The following DNAH3 variants were observed in gnomAD, a reference collection of about 807,000 sequenced individuals.
DNAH3 encodes axonemal beta dynein heavy chain 3.
DNAH3 carries 332 observed loss-of-function variants against 432.5 expected under a neutral mutation model. The ratio of observed to expected loss-of-function variants is 0.77; its 90% CI spans 0.70 to 0.84. The LOEUF (loss-of-function observed/expected upper bound fraction) is 0.84, where lower values mean the gene tolerates loss of function less well. Among genes scored for constraint, DNAH3 ranks in the 40% least tolerant of loss-of-function variants. The pLI, the probability that DNAH3 is intolerant of heterozygous loss-of-function variation, is 0.00. For missense variants in DNAH3, 4,861 were observed against 5,114.0 expected, an observed-to-expected ratio of 0.95 and a Z score of 1.51; for synonymous variants, 1,956 against 1,900.2, an observed-to-expected ratio of 1.03 and a Z score of -0.76.
At chr16:20,984,048 CAGAA>C (rs750456303) in intron 48 of DNAH3, among the ~76,000 whole-genome samples, 1 of 120,118 alleles carries the variant, frequency 8.3e-6, no homozygotes, top group Non-Finnish European at 1.8e-5. Context: ...AAAAAAAAGA[CAGAA>C]AGGGCGATGG....
intron 24 of DNAH3, 46 bp downstream of exon 24, chr16:21,067,237 T>C (rs765774565): frequency 1.2e-6 from 2 of 1,607,284 alleles, no homozygotes; most frequent in African/African-American, 1.3e-5. Flanking sequence ...TCTACCTACA[T>C]ATGGGGCAAG....
exon 41 of DNAH3, chr16:21,019,720 C>G: frequency 6.2e-7 from 1 of 1,614,140 alleles, no homozygotes; most frequent in Non-Finnish European, 8.5e-7. Context: ...AAAAACACAT[C>G]AAATTTCTTT....
At chr16:21,103,541 C>A (rs975943374) in intron 16 of DNAH3, among the ~76,000 whole-genome samples, 5 of 152,144 alleles carry the variant, frequency 3.3e-5, no homozygotes, top group African/African-American at 1.2e-4. Context: ...CAGGAAAATA[C>A]ACACACACTC....
At chr16:20,997,210 C>A in intron 44 of DNAH3, 73 bp downstream of exon 44, 1 of 1,520,490 alleles carries the variant, frequency 6.6e-7, no homozygotes. Context: ...GCACACCAAC[C>A]CACCTTTCAT....
rs184510383 is a variant in DNAH3 at position 21,106,474 on chromosome 16, A to G, written c.2284+16T>C. 2.0e-4 allele frequency: 311 copies of G among 1,560,538 alleles called. No homozygotes were observed. The East Asian group carries it at 6.5e-3, about 33-fold the overall frequency. On this transcript the variant is annotated intron_variant, in intron 15 of 61. Coordinates refer to ENST00000261383, the Ensembl canonical transcript of DNAH3. ...TAGGTATGCATTTCGATGGTCACACATGGCATTGGACTTACACGGCAAGTC... is the reference window on the plus strand; with the variant it reads ...TAGGTATGCATTTCGATGGTCACACGTGGCATTGGACTTACACGGCAAGTC...
chr16:21,099,223 A>G (rs560976736), intron 16 of DNAH3, among the ~76,000 whole-genome samples: 49 of 140,694 alleles, frequency 3.5e-4, no homozygotes, highest in Non-Finnish European at 6.9e-4. Context: ...AGGGAGACCT[A>G]GACAATAGAC....
At chr16:21,050,388 A>G (rs1473237317) in intron 29 of DNAH3, among the ~76,000 whole-genome samples, 1 of 152,218 alleles carries the variant, frequency 6.6e-6, no homozygotes, top group East Asian at 1.9e-4. Context: ...CATTCCAAAG[A>G]TCACCAGTGC....
chr16:21,011,860 G>A (rs558153171), intron 41 of DNAH3, among the ~76,000 whole-genome samples: 1 of 152,214 alleles, frequency 6.6e-6, no homozygotes, highest in African/African-American at 2.4e-5. Flanking sequence ...CAATAAAATT[G>A]CTCACATTTA....
At chr16:20,974,883 A>G (rs2085511310) in intron 51 of DNAH3, among the ~76,000 whole-genome samples, 1 of 151,022 alleles carries the variant, frequency 6.6e-6, no homozygotes, top group Non-Finnish European at 1.5e-5. Context: ...CAGTGGTGCA[A>G]TCTCAGCTCA....
In DNAH3 at chr16:20,948,650, A is replaced by G. The variant is rs2084168365; in HGVS notation, c.11189-13T>C. ...TAATTACATTCCCCTGGGGACAACC[A>G]ACAGAAGGAGAGGTTGAGCCCAGGG... On this transcript the variant is annotated splice_polypyrimidine_tract_variant and intron_variant, in intron 56 of 61. Transcript: ENST00000261383. The G allele has an allele frequency of 1.2e-6, 2 of 1,613,842 alleles. No homozygotes were observed. The highest frequency in any genetic ancestry group is 1.7e-6 in the Non-Finnish European group (2 of 1,179,934).
At position 21,149,490 on chromosome 16, in the gene DNAH3, T is replaced by G. The variant is rs540105795; in HGVS notation, c.118-3402A>C. Among the ~76,000 whole-genome samples, 17 of 152,340 alleles carry G rather than the reference T, an allele frequency of 1.1e-4. 1 individual carries two copies. The South Asian group carries it at 3.1e-3, about 28-fold the overall frequency. Reference sequence around the variant, plus strand: ...TCACTTTGGGCAGCTTATTGCTGATTACACATGTTGTATGTATGTTCTTCA... The same window carrying G: ...TCACTTTGGGCAGCTTATTGCTGATGACACATGTTGTATGTATGTTCTTCA... On this transcript the variant is annotated intron_variant, in intron 1 of 61. Coordinates refer to ENST00000261383, the Ensembl canonical transcript of DNAH3.
At chr16:20,972,218 C>G (rs2085372291) in intron 51 of DNAH3, among the ~76,000 whole-genome samples, 1 of 151,328 alleles carries the variant, frequency 6.6e-6, no homozygotes, top group South Asian at 2.1e-4. Flanking sequence ...TACTTGAAAT[C>G]TCCTGATTTT....
At chr16:21,158,838 G>T (rs544133518) in intron 1 of DNAH3, 4 of 161,174 alleles carry the variant, frequency 2.5e-5, no homozygotes, top group Non-Finnish European at 5.4e-5. Context: ...GCGCGGGGGC[G>T]ACGGCGTGAG....
chr16:21,084,314 C>CTTTATTTA (rs71666850), intron 19 of DNAH3, among the ~76,000 whole-genome samples: 29 of 151,214 alleles, frequency 1.9e-4, no homozygotes, highest in African/African-American at 3.9e-4. Context: ...AATTTTTTTA[C>CTTTATTTA]TTTATTTATT....
At chr16:21,126,963 A>C (rs1394431212) in intron 8 of DNAH3, among the ~76,000 whole-genome samples, 2 of 152,016 alleles carry the variant, frequency 1.3e-5, no homozygotes, top group Admixed American at 1.3e-4. Context: ...CTGTTTCTAC[A>C]TTATGGTGAG....
chr16:21,070,531 C>T (rs1169583687), intron 22 of DNAH3, among the ~76,000 whole-genome samples, 179 bp downstream of exon 22: 1 of 152,144 alleles, frequency 6.6e-6, no homozygotes, highest in Non-Finnish European at 1.5e-5. Context: ...GATCTGCCCG[C>T]CTCGGCCTCC....
intron 35 of DNAH3, among the ~76,000 whole-genome samples, chr16:21,034,739 G>A (rs941862267): frequency 2.0e-5 from 3 of 152,188 alleles, no homozygotes; most frequent in African/African-American, 4.8e-5. Flanking sequence ...CCTTGGAGGT[G>A]AGTAATAAGA....
At chr16:21,149,945 G>A (rs1269071061) in intron 1 of DNAH3, among the ~76,000 whole-genome samples, 2 of 152,092 alleles carry the variant, frequency 1.3e-5, no homozygotes, top group African/African-American at 4.8e-5. Flanking sequence ...AGGTAAATCG[G>A]CCAGACACGG....
intron 7 of DNAH3, among the ~76,000 whole-genome samples, chr16:21,128,595 T>C (rs2092488932): frequency 6.6e-6 from 1 of 151,528 alleles, no homozygotes; most frequent in Non-Finnish European, 1.5e-5. Context: ...CCCGGGAGGC[T>C]GAGGCAGAGA....
Sources: allele counts gnomAD v4.1 joint callset (sites outside exome capture counted in the v4.1 genomes callset), GRCh38; gene constraint gnomAD v4.1.1; transcripts MANE v1.5; gene names NCBI Gene and HGNC (gene_info 2026-07-23, HGNC 2026-07-21).